The following ORC4 variants were observed in gnomAD, a reference collection of about 807,000 sequenced individuals.
ORC4 encodes the protein origin recognition complex subunit 4, also known as origin recognition complex, subunit 4 homolog.
Under a neutral mutation model 63.9 loss-of-function variants are expected in ORC4, and 55 were observed. The ratio of observed to expected loss-of-function variants is 0.86; its 90% confidence interval spans 0.69 to 1.08. The LOEUF (loss-of-function observed/expected upper bound fraction) is 1.08, where lower values mean the gene tolerates loss of function less well. ORC4 is among the 50% of genes least tolerant of loss of function. ORC4 has a pLI of 0.00. For synonymous variants in ORC4, 150 were observed against 168.5 expected, an observed-to-expected ratio of 0.89 and a Z score of 0.85; for missense variants, 511 against 504.4, an observed-to-expected ratio of 1.01 and a Z score of -0.13.
intron 1 of ORC4, among the ~76,000 whole-genome samples, chr2:148,010,545 T>C (rs141387857): frequency 1.6e-3 from 246 of 152,202 alleles, no homozygotes; most frequent in African/African-American, 5.5e-3. Flanking sequence ...CAAAGGATCA[T>C]TGGAGACCAT....
intron 1 of ORC4, among the ~76,000 whole-genome samples, chr2:148,012,867 T>TAATCAGAG (rs1693054647): frequency 1.3e-5 from 2 of 151,970 alleles, no homozygotes; most frequent in African/African-American, 4.8e-5. Context: ...ATCAGAGAAA[T>TAATCAGAG]ACAAATCAAA....
intron 4 of ORC4, among the ~76,000 whole-genome samples, chr2:147,962,555 G>T (rs1159935585): frequency 6.6e-6 from 1 of 152,052 alleles, no homozygotes; most frequent in African/African-American, 2.4e-5. Flanking sequence ...CCTATAATTG[G>T]TTATGACTCT....
At chr2:147,990,521 G>A (rs531580404) in intron 1 of ORC4, among the ~76,000 whole-genome samples, 1 of 152,174 alleles carries the variant, frequency 6.6e-6, no homozygotes, top group Non-Finnish European at 1.5e-5. Context: ...AACTCTGTTA[G>A]TTCTTCCTAA....
intron 9 of ORC4, chr2:147,947,622 A>C (rs1573762876): frequency 1.3e-5 from 2 of 154,872 alleles, no homozygotes; most frequent in African/African-American, 4.8e-5. Context: ...ACAAAATAAA[A>C]GCTGAAGTTG....
At chr2:147,988,618 G>A (rs574419156) in intron 1 of ORC4, among the ~76,000 whole-genome samples, 1 of 151,998 alleles carries the variant, frequency 6.6e-6, no homozygotes, top group Admixed American at 6.6e-5. Context: ...CTTGGCCTCA[G>A]TTGGGATTAC....
intron 4 of ORC4, among the ~76,000 whole-genome samples, chr2:147,969,891 TA>T (rs1300524115): frequency 1.3e-5 from 2 of 151,804 alleles, no homozygotes; most frequent in East Asian, 3.9e-4. Context: ...GGAATAGAAG[TA>T]TGGAGATAGG....
At chr2:147,942,133 A>G (rs1248795871) in intron 10 of ORC4, among the ~76,000 whole-genome samples, 4 of 152,104 alleles carry the variant, frequency 2.6e-5, no homozygotes, top group Non-Finnish European at 5.9e-5. Context: ...ATGGCCAGAC[A>G]TAATATAGGT....
intron 1 of ORC4, among the ~76,000 whole-genome samples, chr2:148,014,161 C>G (rs1312592232): frequency 1.3e-5 from 2 of 152,086 alleles, no homozygotes; most frequent in Non-Finnish European, 2.9e-5. Flanking sequence ...GTGTGCAATA[C>G]AGCGAGACCT....
chr2:147,940,013 C>T (rs1057310770), intron 10 of ORC4, among the ~76,000 whole-genome samples: 2 of 152,032 alleles, frequency 1.3e-5, no homozygotes, highest in Admixed American at 6.6e-5. Context: ...TATAATTATC[C>T]AAGAAACTCT....
intron 4 of ORC4, among the ~76,000 whole-genome samples, chr2:147,970,629 A>C (rs200547292): frequency 1.4e-5 from 2 of 147,180 alleles, no homozygotes; most frequent in African/African-American, 5.2e-5. Flanking sequence ...AAAAAAAAAG[A>C]AAAAAAAACG....
In ORC4 at chr2:147,931,286, T is replaced by C. The variant is rs1486379046; in HGVS notation, c.*4224A>G. The stretch of plus-strand genomic sequence containing the variant: ...GGACATTTGGGTTGGTTCCAAGTCT[T>C]TGCTATTGTGAATAATGCCACAATA... On this transcript the variant is annotated 3_prime_UTR_variant, in exon 14 of 14. Transcript: ENST00000392857. 17 of 151,790 alleles carry C rather than the reference T, an allele frequency of 1.1e-4. No individual in the cohort carries two copies. The highest frequency in any genetic ancestry group is 2.1e-4 in the Non-Finnish European group (14 of 67,958). The allele number at this position is 151,790 out of a possible 1,614,324, so 9.4% of individuals were successfully genotyped here.
intron 1 of ORC4, among the ~76,000 whole-genome samples, chr2:147,977,073 A>G (rs1690601550): frequency 1.3e-5 from 2 of 152,188 alleles, no homozygotes; most frequent in Non-Finnish European, 2.9e-5. Context: ...AATGCTTTGC[A>G]TTTATCAACT....
chr2:147,944,981 A>T (rs1293496891), intron 9 of ORC4, among the ~76,000 whole-genome samples: 1 of 151,876 alleles, frequency 6.6e-6, no homozygotes, highest in African/African-American at 2.4e-5. Context: ...GGGTGAACAT[A>T]AAAAAAACAA....
chr2:148,001,321 A>G (rs1692288658), intron 1 of ORC4, among the ~76,000 whole-genome samples: 1 of 152,106 alleles, frequency 6.6e-6, no homozygotes, highest in Non-Finnish European at 1.5e-5. Flanking sequence ...GCTTAAATAT[A>G]TTTTCTAATT....
chr2:148,011,010 G>A (rs1230377466), intron 1 of ORC4, among the ~76,000 whole-genome samples: 1 of 151,812 alleles, frequency 6.6e-6, no homozygotes, highest in Admixed American at 6.6e-5. Flanking sequence ...TGTATTTTTT[G>A]TAGAGATGGG....
intron 1 of ORC4, among the ~76,000 whole-genome samples, chr2:148,018,969 TTGTA>T (rs1693488778): frequency 6.6e-6 from 1 of 152,172 alleles, no homozygotes; most frequent in Non-Finnish European, 1.5e-5. Context: ...GTATCGATGT[TTGTA>T]TGCTTAAATA....
chr2:147,956,786 G>A, intron 6 of ORC4, among the ~76,000 whole-genome samples: 1 of 152,010 alleles, frequency 6.6e-6, no homozygotes, highest in East Asian at 1.9e-4. Context: ...GCGAAGATTA[G>A]AACAGAATGA....
At position 147,935,447 on chromosome 2, in the gene ORC4, AAT is replaced by A. The variant is rs1000537154; in HGVS notation, c.*61_*62del. The A allele has an allele frequency of 8.3e-7, 1 of 1,210,168 alleles. No individual in the cohort carries two copies. Among genetic ancestry groups the A allele is most frequent in the Non-Finnish European group, 1.2e-6 (1 of 814,280 alleles). The allele number at this position is 1,210,168 out of a possible 1,614,324, so 75.0% of individuals were successfully genotyped here. ...TGTTTAGCATATCATGTTAATGGAC[AAT>A]AGTTTTCCGTTCTCTACAGAAGTAT... On this transcript the variant is annotated 3_prime_UTR_variant, in exon 14 of 14. Transcript: ENST00000392857.
intron 1 of ORC4, among the ~76,000 whole-genome samples, chr2:147,979,888 T>C (rs985611273): frequency 1.3e-5 from 2 of 152,044 alleles, no homozygotes; most frequent in African/African-American, 2.4e-5. Flanking sequence ...AAGAATGAAA[T>C]TGAACCCTTA....
Sources: gnomAD v4.1 joint callset for allele counts (sites outside exome capture counted in the v4.1 genomes callset) on GRCh38, gnomAD v4.1.1 for gene constraint, MANE v1.5 for transcripts, NCBI Gene and HGNC (gene_info 2026-07-23, HGNC 2026-07-21) for gene names.